The following RASA1 variants were observed in gnomAD, a reference collection of about 807,000 sequenced individuals.
RASA1 encodes the protein ras GTPase-activating protein 1.
A neutral mutation model predicts 132.2 loss-of-function variants in RASA1; 25 were observed. The ratio of observed to expected loss-of-function variants is 0.19; its 90% CI spans 0.14 to 0.26. The LOEUF (loss-of-function observed/expected upper bound fraction) is 0.26. RASA1 is among the 10% of genes least tolerant of loss of function. RASA1 has a pLI of 1.00. For synonymous variants in RASA1, 477 were observed against 449.9 expected, an observed-to-expected ratio of 1.06 and a Z score of -0.76; for missense variants, 964 against 1,299.2, an observed-to-expected ratio of 0.74 and a Z score of 3.97.
intron 1 of RASA1, among the ~76,000 whole-genome samples, chr5:87,280,789 C>T (rs1310247935): frequency 1.3e-5 from 2 of 151,964 alleles, no homozygotes; most frequent in Non-Finnish European, 2.9e-5. Context: ...CAGAGTCTCA[C>T]TCTGTCGCCC....
rs749605323 is a variant in RASA1 at position 87,268,780 on chromosome 5, C to T, written c.329C>T (p.Pro110Leu). Reference protein sequence around the residue: ...AGVAGAAVAGPSGDMALTKLP... With the variant: ...AGVAGAAVAGLSGDMALTKLP... ...GTGGCCGGTGCTGCTGTTGCTGGAC[C>T]TAGTGGAGACATGGCTCTCACCAAA... is the stretch of plus-strand genomic sequence containing the variant. The change falls in exon 1 of 25, where the codon CCT becomes CTT. Residue 110 changes from proline to leucine, a missense_variant. This residue lies in a region of RASA1 where 326 missense variants were observed against 275.8 expected (regional missense o/e 1.18). Transcript: ENST00000274376. 7 of 1,613,956 alleles carry T rather than the reference C, an allele frequency of 4.3e-6. No homozygotes were observed. In the East Asian group the frequency reaches 1.6e-4, roughly 36 times the overall value.
At chr5:87,363,595 C>T in intron 11 of RASA1, 91 bp downstream of exon 11, 1 of 1,429,332 alleles carries the variant, frequency 7.0e-7, no homozygotes, top group Non-Finnish European at 9.7e-7. Context: ...GCCCTAAAAT[C>T]ATCTTCTAAA....
intron 5 of RASA1, among the ~76,000 whole-genome samples, chr5:87,338,536 A>ATATATATATATATATTTTTT: frequency 3.5e-5 from 3 of 85,220 alleles, no homozygotes; most frequent in East Asian, 9.9e-4. Context: ...TATATATAAA[A>ATATATATATATATATTTTTT]TTTTTTTTTT....
chr5:87,358,718 C>T (rs567985444), intron 9 of RASA1, among the ~76,000 whole-genome samples: 1 of 152,338 alleles, frequency 6.6e-6, no homozygotes, highest in African/African-American at 2.4e-5. Flanking sequence ...CAAGACCCAA[C>T]AGTGGCAGTC....
At chr5:87,278,136 T>C (rs1296143945) in intron 1 of RASA1, among the ~76,000 whole-genome samples, 4 of 152,220 alleles carry the variant, frequency 2.6e-5, no homozygotes, top group Non-Finnish European at 4.4e-5. Flanking sequence ...TAGACACTTG[T>C]GTAACGATAG....
intron 1 of RASA1, among the ~76,000 whole-genome samples, chr5:87,322,647 T>C (rs1453558267): frequency 6.6e-6 from 1 of 152,210 alleles, no homozygotes; most frequent in African/African-American, 2.4e-5. Context: ...TCCAGCACCA[T>C]GCTTCCTCTA....
chr5:87,271,758 G>A (rs1391249563), intron 1 of RASA1, among the ~76,000 whole-genome samples: 1 of 151,904 alleles, frequency 6.6e-6, no homozygotes, highest in Non-Finnish European at 1.5e-5. Context: ...TTACAGGTGT[G>A]AGCCACCGCG....
intron 20 of RASA1, among the ~76,000 whole-genome samples, chr5:87,381,087 T>C (rs1233625638): frequency 6.6e-6 from 1 of 152,186 alleles, no homozygotes; most frequent in Non-Finnish European, 1.5e-5. Flanking sequence ...TCATGGAATT[T>C]GGGAGCTTAT....
chr5:87,378,377 A>G lies in RASA1; in HGVS notation c.2345-19A>G. 6.2e-7 allele frequency: 1 copy of G among 1,611,040 alleles called. No homozygotes were observed. The highest frequency in any genetic ancestry group is 1.1e-5 in the South Asian group (1 of 91,036). On this transcript the variant is annotated intron_variant, in intron 17 of 24. Transcript: ENST00000274376. The stretch of plus-strand genomic sequence containing the variant: ...GTCAGTCCTTTACAAATAATCTTCT[A>G]ATGTAAATATTTGTGTAGATGAAGC...
At chr5:87,323,450 C>T (rs1580260858) in intron 1 of RASA1, among the ~76,000 whole-genome samples, 1 of 152,072 alleles carries the variant, frequency 6.6e-6, no homozygotes, top group Non-Finnish European at 1.5e-5. Flanking sequence ...GCCCTGTGCT[C>T]ATAGGGTTAT....
At chr5:87,280,452 A>ACAGGCAC (rs1270058634) in intron 1 of RASA1, among the ~76,000 whole-genome samples, 1 of 151,974 alleles carries the variant, frequency 6.6e-6, no homozygotes, top group Admixed American at 6.6e-5. Flanking sequence ...AGCTAGAATT[A>ACAGGCAC]CAGGCACCTG....
intron 1 of RASA1, among the ~76,000 whole-genome samples, chr5:87,270,408 C>G (rs913474615): frequency 6.8e-6 from 1 of 148,050 alleles, no homozygotes; most frequent in African/African-American, 2.5e-5. Context: ...AGTGCAGTGG[C>G]GTGATCTCGG....
At position 87,386,900 on chromosome 5, in the gene RASA1, T is replaced by C. The variant is rs780408729; in HGVS notation, c.2922T>C (p.Leu974=). The stretch of plus-strand genomic sequence containing the variant: ...GTATGATCATGTTTTTAGATGAACT[T>C]GGGGTATGTATATAGTTTTCAGGTA... ...KHRMIMFLDE[L]GNVPELPDTT... The change falls in exon 23 of 25, where the codon CTT becomes CTC. Residue 974 remains leucine, a synonymous_variant. Coordinates refer to ENST00000274376, the MANE Select transcript of RASA1 (RefSeq NM_002890.3). 1.2e-6 allele frequency: 2 copies of C among 1,610,568 alleles called. No individual in the cohort carries two copies.
chr5:87,341,480 C>T (rs1213983751), intron 6 of RASA1, among the ~76,000 whole-genome samples, 159 bp downstream of exon 6: 4 of 151,938 alleles, frequency 2.6e-5, no homozygotes, highest in Non-Finnish European at 4.4e-5. Context: ...TCTTAAGGAT[C>T]TAGTGATAAA....
rs559201959 is a variant in RASA1 at position 87,351,421 on chromosome 5, G to T, written c.1254-1736G>T. ...AATAAATGAGAGTTCAGTGGGGGGTGAGAAGGAAGACAATGGATTTTGGCT... is the reference window on the plus strand; with the variant it reads ...AATAAATGAGAGTTCAGTGGGGGGTTAGAAGGAAGACAATGGATTTTGGCT... On this transcript the variant is annotated intron_variant, in intron 8 of 24. Transcript: ENST00000274376. 1.3e-4 allele frequency among the ~76,000 whole-genome samples: 20 copies of T among 151,836 alleles called. No individual in the cohort carries two copies. In the South Asian group the frequency reaches 2.9e-3, roughly 22 times the overall value.
intron 1 of RASA1, among the ~76,000 whole-genome samples, chr5:87,309,014 CAG>C (rs1755749068): frequency 6.6e-6 from 1 of 152,064 alleles, no homozygotes; most frequent in South Asian, 2.1e-4. Context: ...TATATTTTCA[CAG>C]AGGGGAAAAA....
chr5:87,338,689 G>A (rs7714386), intron 5 of RASA1, among the ~76,000 whole-genome samples: 6,935 of 150,592 alleles, frequency 0.046, 327 homozygotes, highest in African/African-American at 0.11. Context: ...GCTTATTTTT[G>A]TTCTTTTTTT....
intron 9 of RASA1, among the ~76,000 whole-genome samples, chr5:87,357,580 C>G (rs1759746600): frequency 6.6e-6 from 1 of 152,152 alleles, no homozygotes; most frequent in Admixed American, 6.5e-5. Context: ...TGACATGCCC[C>G]TGTAGTCCCA....
chr5:87,340,970 T>C (rs935715837), intron 5 of RASA1, among the ~76,000 whole-genome samples: 2 of 152,044 alleles, frequency 1.3e-5, no homozygotes, highest in Middle Eastern at 3.4e-3. Flanking sequence ...GTTTTTTTTT[T>C]GTTTGGTTTT....
Sources: gnomAD v4.1 joint callset for allele counts (sites outside exome capture counted in the v4.1 genomes callset) on GRCh38, gnomAD v4.1.1 for gene constraint, gnomAD v4.1.1 regional missense constraint, MANE v1.5 for transcripts, NCBI Gene and HGNC (gene_info 2026-07-23, HGNC 2026-07-21) for gene names.